PDE1C: variants seen among roughly 807,000 people sequenced by gnomAD.
The protein encoded by PDE1C is dual specificity calcium/calmodulin-dependent 3',5'-cyclic nucleotide phosphodiesterase 1C.
PDE1C carries 62 observed loss-of-function variants against 93.1 expected under a neutral mutation model. That is an observed-to-expected ratio of 0.67 (90% CI 0.54 to 0.82). The LOEUF is 0.82. PDE1C is among the 40% of genes least tolerant of loss of function. The pLI, the probability that PDE1C is intolerant of heterozygous loss-of-function variation, is 0.00. For missense variants in PDE1C, 742 were observed against 884.6 expected, an observed-to-expected ratio of 0.84 and a Z score of 2.04; for synonymous variants, 325 against 310.1, an observed-to-expected ratio of 1.05 and a Z score of -0.50.
chr7:32,022,172 G>C (rs1476054379), intron 2 of PDE1C, among the ~76,000 whole-genome samples: 2 of 151,638 alleles, frequency 1.3e-5, no homozygotes, highest in Non-Finnish European at 2.9e-5. Context: ...AAGAAAGTGA[G>C]AGGAAGGAAA....
At chr7:31,712,861 T>G in the PDE1C span, among the ~76,000 whole-genome samples, 2 of 152,142 alleles carry the variant, frequency 1.3e-5, no homozygotes, top group African/African-American at 4.8e-5. Flanking sequence ...CTCATGAGAC[T>G]TATTCACTAT....
At chr7:32,023,875 C>A (rs1328741817) in intron 2 of PDE1C, among the ~76,000 whole-genome samples, 1 of 151,994 alleles carries the variant, frequency 6.6e-6, no homozygotes, top group Non-Finnish European at 1.5e-5. Context: ...AAAATTGTCA[C>A]AAATGCAAAT....
the PDE1C span, among the ~76,000 whole-genome samples, chr7:31,705,008 G>T: frequency 6.6e-6 from 1 of 152,122 alleles, no homozygotes; most frequent in Admixed American, 6.6e-5. Context: ...ATGAAATCAA[G>T]ATTTCTATGA....
At chr7:31,986,708 A>G (rs1243625713) in intron 2 of PDE1C, among the ~76,000 whole-genome samples, 1 of 152,130 alleles carries the variant, frequency 6.6e-6, no homozygotes, top group Admixed American at 6.5e-5. Context: ...TGCTGGGAAG[A>G]GGCAAGGAAG....
At chr7:31,975,919 C>A (rs1399024479) in intron 2 of PDE1C, among the ~76,000 whole-genome samples, 2 of 152,150 alleles carry the variant, frequency 1.3e-5, no homozygotes, top group African/African-American at 4.8e-5. Flanking sequence ...AGTGACCAAT[C>A]AAAAAGTATC....
At chr7:32,223,626 T>G (rs1289135816) in intron 1 of PDE1C, among the ~76,000 whole-genome samples, 2 of 152,226 alleles carry the variant, frequency 1.3e-5, no homozygotes, top group East Asian at 3.9e-4. Flanking sequence ...TTTACTCATG[T>G]GCTTACATAT....
At chr7:32,023,207 C>T (rs1788928209) in intron 2 of PDE1C, among the ~76,000 whole-genome samples, 1 of 151,962 alleles carries the variant, frequency 6.6e-6, no homozygotes, top group Non-Finnish European at 1.5e-5. Flanking sequence ...ACGGATAGAA[C>T]AAAATCAGTA....
rs1562682246 is a variant in PDE1C at position 32,341,192 on chromosome 7, T to TTTTTTTTTTC, written c.310+86629_310+86630insGAAAAAAAAA. ...TAAAGTCTTTTTTTTTTTTTTTTTTTTGAGACGGAGTCTCGCTCTGTCGCC... is the reference window on the plus strand; with the variant it reads ...TAAAGTCTTTTTTTTTTTTTTTTTTTTTTTTTTTTCTGAGACGGAGTCTCGCTCTGTCGCC... On this transcript the variant is annotated intron_variant, in intron 1 of 1. Coordinates refer to the PDE1C transcript ENST00000672256. 9.0e-5 allele frequency among the ~76,000 whole-genome samples: 12 copies of TTTTTTTTTTC among 134,036 alleles called. No homozygotes were observed. In the East Asian group the frequency reaches 2.7e-3, roughly 30 times the overall value. The allele number at this position is 134,036 out of a possible 152,430, so 87.9% of individuals were successfully genotyped here.
intron 1 of PDE1C, among the ~76,000 whole-genome samples, chr7:32,306,406 C>G (rs574708357): frequency 6.6e-6 from 1 of 152,290 alleles, no homozygotes; most frequent in South Asian, 2.1e-4. Flanking sequence ...TTCCCTCTGT[C>G]TTTTTCATCT....
chr7:32,088,669 C>T (rs1242438751), intron 3 of PDE1C, among the ~76,000 whole-genome samples: 6 of 152,222 alleles, frequency 3.9e-5, no homozygotes. Flanking sequence ...AGAGGAAAAT[C>T]CCTCTATGCA....
At chr7:31,785,556 T>A (rs1440359034) in intron 16 of PDE1C, 1 of 152,228 alleles carries the variant, frequency 6.6e-6, no homozygotes, top group East Asian at 1.9e-4. Context: ...TCAGTCCAGG[T>A]CATCCACTGC....
intron 1 of PDE1C, among the ~76,000 whole-genome samples, chr7:32,059,856 G>A (rs1190737624): frequency 3.3e-5 from 5 of 152,136 alleles, no homozygotes; most frequent in African/African-American, 1.2e-4. Context: ...CAAGTAGTAC[G>A]TTTTTTGCAT....
At chr7:32,181,286 C>T (rs141244101) in intron 2 of PDE1C, among the ~76,000 whole-genome samples, 3,247 of 152,202 alleles carry the variant, frequency 0.021, 116 homozygotes, top group African/African-American at 0.074. Context: ...CTCATCTCTG[C>T]ACCAAGCGGA....
intron 3 of PDE1C, among the ~76,000 whole-genome samples, chr7:32,094,220 CAGAGT>C (rs1797626565): frequency 6.6e-6 from 1 of 152,174 alleles, no homozygotes. Context: ...GCACTGAATA[CAGAGT>C]AGGGAAGAGA....
intron 2 of PDE1C, among the ~76,000 whole-genome samples, chr7:32,010,044 A>G (rs1425696282): frequency 1.1e-4 from 16 of 152,234 alleles, no homozygotes; most frequent in Non-Finnish European, 1.8e-4. Context: ...TAATGTTGAG[A>G]TACACCTATG....
upstream of PDE1C, chr7:32,299,391 A>G (rs987215072): frequency 5.4e-5 from 53 of 985,406 alleles, no homozygotes; most frequent in Non-Finnish European, 6.4e-5. Flanking sequence ...TGGAGCCCCG[A>G]TAGTGTTTCT....
intron 1 of PDE1C, among the ~76,000 whole-genome samples, chr7:32,216,288 C>T (rs113136823): frequency 6.6e-6 from 1 of 152,140 alleles, no homozygotes; most frequent in South Asian, 2.1e-4. Flanking sequence ...CCCCCTTCCT[C>T]TAGTCCCCAT....
At chr7:32,231,105 G>C (rs1807660686) in intron 1 of PDE1C, among the ~76,000 whole-genome samples, 1 of 152,160 alleles carries the variant, frequency 6.6e-6, no homozygotes, top group Admixed American at 6.5e-5. Context: ...TTTTGCAAGT[G>C]AACAAGATGA....
At chr7:31,630,381 GCAGTT>G in the PDE1C span, among the ~76,000 whole-genome samples, 1 of 151,902 alleles carries the variant, frequency 6.6e-6, no homozygotes, top group East Asian at 1.9e-4. Flanking sequence ...AATTTATGAT[GCAGTT>G]CAAAATCAGG....
Sources: allele counts gnomAD v4.1 joint callset (sites outside exome capture counted in the v4.1 genomes callset), GRCh38; gene constraint gnomAD v4.1.1; transcripts MANE v1.5; gene names NCBI Gene and HGNC (gene_info 2026-07-23, HGNC 2026-07-21).